The following NCOR1 variants were observed in gnomAD, a reference collection of about 807,000 sequenced individuals.
The protein encoded by NCOR1 is nuclear receptor corepressor 1.
NCOR1 carries 63 observed loss-of-function variants against 288.1 expected under a neutral mutation model. That is an observed-to-expected ratio of 0.22 (90% CI 0.18 to 0.27). The LOEUF is 0.27. Ranked by LOEUF, NCOR1 falls within the 10% of genes least tolerant of loss-of-function variation. NCOR1 has a pLI of 1.00. For synonymous variants in NCOR1, 1,007 were observed against 1,065.9 expected, an observed-to-expected ratio of 0.94 and a Z score of 1.08; for missense variants, 2,397 against 3,019.2, an observed-to-expected ratio of 0.79 and a Z score of 4.83.
At chr17:16,159,950 C>T (rs1469746103) in intron 5 of NCOR1, among the ~76,000 whole-genome samples, 1 of 151,938 alleles carries the variant, frequency 6.6e-6, no homozygotes, top group Non-Finnish European at 1.5e-5. Flanking sequence ...CTGCCTCAGC[C>T]TCCTGAGTAG....
chr17:16,167,313 C>A (rs1346254335), intron 4 of NCOR1, among the ~76,000 whole-genome samples: 1 of 151,874 alleles, frequency 6.6e-6, no homozygotes, highest in Non-Finnish European at 1.5e-5. Context: ...ATGAACCTTA[C>A]AATCTTGGCT....
At chr17:16,161,230 GACACACAC>G (rs67635232) in intron 5 of NCOR1, among the ~76,000 whole-genome samples, 8,126 of 143,180 alleles carry the variant, frequency 0.057, 438 homozygotes, top group African/African-American at 0.15. Context: ...AACACACACA[GACACACAC>G]ACACACACAC....
At chr17:16,136,806 CAAAAAAAAAAAAAA>C (rs60523446) in intron 14 of NCOR1, among the ~76,000 whole-genome samples, 1 of 111,792 alleles carries the variant, frequency 8.9e-6, no homozygotes, top group African/African-American at 3.7e-5. Context: ...GACTCTGTTT[CAAAAAAAAAAAAAA>C]AAAAAAAAGA....
intron 40 of NCOR1, among the ~76,000 whole-genome samples, chr17:16,055,621 A>C (rs1431232571): frequency 2.0e-5 from 3 of 152,214 alleles, no homozygotes; most frequent in Non-Finnish European, 4.4e-5. Context: ...ACAAACCCCC[A>C]CGACTCAAGT....
At position 16,127,253 on chromosome 17, in the gene NCOR1, A is replaced by G. The variant is rs550482266; in HGVS notation, c.1510-1047T>C. Among the ~76,000 whole-genome samples the G allele has an allele frequency of 1.4e-4, 17 of 122,318 alleles. 2 individuals are homozygous for G. The highest frequency in any genetic ancestry group is 7.2e-4 in the South Asian group (3 of 4,140). The allele number at this position is 122,318 out of a possible 152,430, so 80.2% of individuals were successfully genotyped here. A position where few individuals can be genotyped will look rare whatever the true frequency, so the allele number is the denominator to read the frequency against. Reference sequence around the variant, plus strand: ...CATGTATGCATATATGTATGTATATATGTGTGTGTATATATGTATGTATAT... The same window carrying G: ...CATGTATGCATATATGTATGTATATGTGTGTGTGTATATATGTATGTATAT... On this transcript the variant is annotated intron_variant, in intron 14 of 45. Transcript: ENST00000268712.
At chr17:16,145,549 C>G in intron 10 of NCOR1, among the ~76,000 whole-genome samples, 1 of 132,250 alleles carries the variant, frequency 7.6e-6, no homozygotes, top group South Asian at 2.4e-4. Flanking sequence ...TGCCCCGCCG[C>G]CACCCTGTCT....
chr17:16,102,071 A>T (rs1230017624), intron 19 of NCOR1, among the ~76,000 whole-genome samples: 1 of 152,170 alleles, frequency 6.6e-6, no homozygotes, highest in Non-Finnish European at 1.5e-5. Context: ...CGAACAATAA[A>T]ACTAAACAAA....
chr17:16,146,202 G>A (rs928574275), intron 10 of NCOR1, among the ~76,000 whole-genome samples, 174 bp downstream of exon 10: 3 of 151,872 alleles, frequency 2.0e-5, no homozygotes, highest in Non-Finnish European at 4.4e-5. Flanking sequence ...AGAGACCTTT[G>A]TTCACATGTT....
chr17:16,131,627 C>G (rs1464184803), intron 14 of NCOR1, among the ~76,000 whole-genome samples: 1 of 152,192 alleles, frequency 6.6e-6, no homozygotes, highest in East Asian at 1.9e-4. Flanking sequence ...CGTTTCACTA[C>G]TGGACAATAT....
At chr17:16,132,023 A>G (rs1486897373) in intron 14 of NCOR1, among the ~76,000 whole-genome samples, 2 of 152,226 alleles carry the variant, frequency 1.3e-5, no homozygotes, top group Non-Finnish European at 2.9e-5. Context: ...TGCTGATATA[A>G]TAAACTTCTT....
chr17:16,062,375 A>G, intron 35 of NCOR1, 105 bp from the exon 36 acceptor site: 1 of 1,119,900 alleles, frequency 8.9e-7, no homozygotes, highest in Non-Finnish European at 1.2e-6. Context: ...CCTAAATAGA[A>G]AAAAGAAAAA....
chr17:16,145,853 GA>G lies in NCOR1; in HGVS notation c.1082+522del, dbSNP rs571147441. On this transcript the variant is annotated intron_variant, in intron 10 of 45. Coordinates refer to ENST00000268712, the MANE Select transcript of NCOR1 (RefSeq NM_006311.4). ...GACGATGGCGGTTTTGTCGACTAGA[GA>G]GGGGGGGAAATGTGGCGAGAGTAGA... is the stretch of plus-strand genomic sequence containing the variant. 6.9e-3 allele frequency among the ~76,000 whole-genome samples: 1,044 copies of G among 152,346 alleles called. 9 individuals carry two copies. The highest frequency in any genetic ancestry group is 0.024 in the African/African-American group (979 of 41,574).
At chr17:16,065,888 A>G in intron 32 of NCOR1, 194 bp from the exon 33 acceptor site, 1 of 582,760 alleles carries the variant, frequency 1.7e-6, no homozygotes, top group South Asian at 2.1e-5. Context: ...AATGTCTAAG[A>G]TGTAATGGAA....
intron 21 of NCOR1, among the ~76,000 whole-genome samples, chr17:16,094,961 G>C (rs1390071876): frequency 6.6e-6 from 1 of 152,210 alleles, no homozygotes; most frequent in East Asian, 1.9e-4. Flanking sequence ...AAAGTGCAGA[G>C]ATTGCAGCCT....
At chr17:16,160,026 T>A (rs2080507888) in intron 5 of NCOR1, among the ~76,000 whole-genome samples, 1 of 152,028 alleles carries the variant, frequency 6.6e-6, no homozygotes, top group Non-Finnish European at 1.5e-5. Flanking sequence ...GAGACAGGGA[T>A]TCACCATGTT....
Position 16,121,221 on chromosome 17 carries a change from A to G in NCOR1, c.1683T>C (p.Thr561=), listed in dbSNP as rs779267917. Residue 561 remains threonine, a synonymous_variant, in exon 16 of 46, where the codon ACT becomes ACC. Coordinates refer to ENST00000268712, the MANE Select transcript of NCOR1 (RefSeq NM_006311.4). ...GGGGTGTGGCTTGCTCTCTTTCCTC[A>G]GTTTCTTCTGCTGTACCATCTATCT... ...KDKIDGTAEE[T]EEREQATPRG... is the part of the protein sequence containing the mutation. 1.9e-6 allele frequency: 3 copies of G among 1,613,958 alleles called. No homozygotes were observed. The highest frequency in any genetic ancestry group is 1.3e-5 in the African/African-American group (1 of 75,014).
intron 6 of NCOR1, among the ~76,000 whole-genome samples, chr17:16,157,812 T>C (rs1028571147): frequency 2.0e-5 from 3 of 151,942 alleles, no homozygotes; most frequent in Non-Finnish European, 4.4e-5. Flanking sequence ...TAACTGCTAG[T>C]TCCTGGGCCA....
At chr17:16,035,530 CTTTTTTTTTTT>C (rs966987249) in intron 44 of NCOR1, among the ~76,000 whole-genome samples, 3 of 118,328 alleles carry the variant, frequency 2.5e-5, no homozygotes, top group Non-Finnish European at 5.4e-5. Flanking sequence ...TTCTCTTGTT[CTTTTTTTTTTT>C]TTTTTTTTTT....
At chr17:16,197,477 GTTTT>G (rs1568627568) in intron 1 of NCOR1, among the ~76,000 whole-genome samples, 1 of 152,122 alleles carries the variant, frequency 6.6e-6, no homozygotes, top group Non-Finnish European at 1.5e-5. Context: ...CCCTCAGCCT[GTTTT>G]TTCCCTGCTC....
Sources: allele counts gnomAD v4.1 joint callset (sites outside exome capture counted in the v4.1 genomes callset), GRCh38; gene constraint gnomAD v4.1.1; transcripts MANE v1.5; gene names NCBI Gene and HGNC (gene_info 2026-07-23, HGNC 2026-07-21).